Variants in UTP6 observed in about 807,000 individuals in gnomAD.
The protein encoded by UTP6 is UTP6 small subunit processome component.
UTP6 carries 60 observed loss-of-function variants against 96.5 expected under a neutral mutation model. That is an observed-to-expected ratio of 0.62 (90% confidence interval 0.51 to 0.77). The LOEUF is 0.77. Among genes scored for constraint, UTP6 ranks in the 30% least tolerant of loss-of-function variants. The pLI is 0.00. For synonymous variants in UTP6, 215 were observed against 240.1 expected, an observed-to-expected ratio of 0.90 and a Z score of 0.96; for missense variants, 637 against 706.5, an observed-to-expected ratio of 0.90 and a Z score of 1.12.
intron 7 of UTP6, 29 bp downstream of exon 7, chr17:31,889,256 T>C (rs759778206): frequency 6.2e-5 from 94 of 1,524,828 alleles, no homozygotes; most frequent in Non-Finnish European, 8.1e-5. Context: ...GAAACATCAC[T>C]GTCTCATCCT....
chr17:31,881,690 G>A (rs1266733106), intron 10 of UTP6, among the ~76,000 whole-genome samples: 1 of 152,060 alleles, frequency 6.6e-6, no homozygotes, highest in South Asian at 2.1e-4. Flanking sequence ...AAGACTCCAA[G>A]AGACCTGAAG....
At chr17:31,865,999 C>T (rs1049764366) in intron 17 of UTP6, among the ~76,000 whole-genome samples, 1 of 152,238 alleles carries the variant, frequency 6.6e-6, no homozygotes, top group Non-Finnish European at 1.5e-5. Context: ...CTGTAACTAA[C>T]TTTACAACCA....
Position 31,863,424 on chromosome 17 carries a change from A to G in UTP6, c.1729T>C (p.Leu577=), listed in dbSNP as rs371925526. 6.2e-6 allele frequency: 10 copies of G among 1,614,120 alleles called. No homozygotes were observed. Among genetic ancestry groups the G allele is most frequent in the East Asian group, 2.2e-5 (1 of 44,874 alleles). The change falls in exon 19 of 19, where the codon TTG becomes CTG. Residue 577 remains leucine, a synonymous_variant. Transcript: ENST00000261708. ...GQIYWRAMKM[L]QGESAEAFVA... ...AATGCCTCTGCTGACTCTCCCTGCAACATTTTCATCGCTCGCCAGTAGATC... is the reference window on the plus strand; with the variant it reads ...AATGCCTCTGCTGACTCTCCCTGCAGCATTTTCATCGCTCGCCAGTAGATC...
chr17:31,892,030 A>G (rs1904350075), intron 6 of UTP6: 1 of 517,106 alleles, frequency 1.9e-6, no homozygotes. Context: ...CTCAAAAAAA[A>G]AAGAAATACA....
At chr17:31,870,650 T>C (rs1464761502) in intron 16 of UTP6, among the ~76,000 whole-genome samples, 1 of 151,470 alleles carries the variant, frequency 6.6e-6, no homozygotes, top group Non-Finnish European at 1.5e-5. Flanking sequence ...GCCTCCCAGG[T>C]AGCTGGGACT....
At position 31,889,308 on chromosome 17, in the gene UTP6, C is replaced by A. The variant is rs754607083; in HGVS notation, c.520G>T (p.Glu174Ter). The change falls in exon 7 of 19, where the codon GAG becomes TAG. Residue 174 changes from glutamate to a stop codon, truncating the protein, a stop_gained. Coordinates refer to ENST00000261708, the MANE Select transcript of UTP6 (RefSeq NM_018428.3). LOFTEE classifies it high-confidence loss of function. ...LFLRALRFHP[E>*]CPKLYKEYFR... ...ACTTCTTTATAAAGTTTTGGGCACT[C>A]TGGATGAAAGCGCAGTGCGCGAAGA... 1 of 1,613,358 alleles carries A rather than the reference C, an allele frequency of 6.2e-7. No individual in the cohort carries two copies. The highest frequency in any genetic ancestry group is 1.7e-5 in the Admixed American group (1 of 59,904).
rs1218599217 is a variant in UTP6, at chr17:31,894,746, G to A, written c.220-9C>T. Reference sequence around the variant, plus strand: ...AATGAATATCCAATGCGCTAAAGGGGGACATAAAAAAACAGAGCCTCAACT... The same window carrying A: ...AATGAATATCCAATGCGCTAAAGGGAGACATAAAAAAACAGAGCCTCAACT... On this transcript the variant is annotated splice_polypyrimidine_tract_variant and intron_variant, in intron 3 of 18. Transcript: ENST00000261708. 3.1e-6 allele frequency: 5 copies of A among 1,599,972 alleles called. No homozygotes were observed. Among genetic ancestry groups the A allele is most frequent in the African/African-American group, 2.7e-5 (2 of 74,530 alleles).
intron 2 of UTP6, among the ~76,000 whole-genome samples, chr17:31,896,250 G>C (rs966812832): frequency 6.6e-6 from 1 of 151,604 alleles, no homozygotes; most frequent in Non-Finnish European, 1.5e-5. Flanking sequence ...GCTAATTTTT[G>C]TATTTTTAGT....
At position 31,865,436 on chromosome 17, in the gene UTP6, T is replaced by C. The variant is rs765042098; in HGVS notation, c.1566A>G (p.Glu522=). 25 of 1,613,874 alleles carry C rather than the reference T, an allele frequency of 1.5e-5. No individual in the cohort carries two copies. The Admixed American group carries it at 4.2e-4, about 27-fold the overall frequency. The change falls in exon 18 of 19, where the codon GAA becomes GAG. Residue 522 remains glutamate, a splice_region_variant and synonymous_variant. Coordinates refer to ENST00000261708, the MANE Select transcript of UTP6 (RefSeq NM_018428.3). ...CTCTTATGTTCGCCATATTGCAGGA[T>C]TCCTGACAAAGATAGACAATCTTGT... The part of the protein sequence containing the change: ...RKMIQFEKEQ[E]SCNMANIREY...
At chr17:31,868,325 G>GGT (rs1555572807) in intron 16 of UTP6, among the ~76,000 whole-genome samples, 49 of 90,512 alleles carry the variant, frequency 5.4e-4, no homozygotes, top group Non-Finnish European at 7.1e-4. Context: ...TAGTTTTTTG[G>GGT]TTTTTTTTTT....
intron 6 of UTP6, among the ~76,000 whole-genome samples, chr17:31,890,922 G>A (rs1911456398): frequency 5.9e-5 from 9 of 151,946 alleles, no homozygotes; most frequent in Admixed American, 5.9e-4. Context: ...AGGAGACAGA[G>A]GTTGCAGTGA....
chr17:31,892,928 T>C (rs1401287710), intron 4 of UTP6, 134 bp from the exon 5 acceptor site: 2 of 1,011,072 alleles, frequency 2.0e-6, no homozygotes, highest in Admixed American at 4.5e-5. Flanking sequence ...ATCCCACCAC[T>C]TTGTGAAGCC....
Position 31,880,591 on chromosome 17 carries a change from C to G in UTP6, c.949G>C (p.Val317Leu). The change falls in exon 11 of 19, where the codon GTG (valine) becomes CTG (leucine). Residue 317 changes from valine to leucine, a missense_variant. Transcript: ENST00000261708. The stretch of plus-strand genomic sequence containing the variant: ...AGTTCACCTGTTGGCAGAGTCTTCA[C>G]TGCCTCTTCATACACAGCACAGCAC... ...ERCCAVYEEA[V>L]KTLPTEAMWK... 6.2e-7 allele frequency: 1 copy of G among 1,614,174 alleles called. No homozygotes were observed.
intron 6 of UTP6, among the ~76,000 whole-genome samples, chr17:31,891,470 T>C (rs776179189): frequency 1.2e-4 from 19 of 152,214 alleles, no homozygotes; most frequent in East Asian, 1.9e-4. Flanking sequence ...TTGAGTCTTG[T>C]GTGGTATAAG....
chr17:31,891,571 T>C (rs377343693), intron 6 of UTP6, among the ~76,000 whole-genome samples: 2 of 152,172 alleles, frequency 1.3e-5, no homozygotes, highest in East Asian at 3.9e-4. Flanking sequence ...AAGAGAAATA[T>C]TTCTCTTACA....
In UTP6 at chr17:31,863,438, C is replaced by G. The variant is rs909046283; in HGVS notation, c.1715G>C (p.Arg572Pro). The stretch of plus-strand genomic sequence containing the variant: ...CTCTCCCTGCAACATTTTCATCGCT[C>G]GCCAGTAGATCTGTCCACAGTTCTC... ...RPENCGQIYW[R>P]AMKMLQGESA... The change falls in exon 19 of 19, where the codon CGA becomes CCA. Residue 572 changes from arginine (R) to proline (P), a missense_variant. Transcript: ENST00000261708. 1.2e-6 allele frequency: 2 copies of G among 1,613,918 alleles called. No individual in the cohort carries two copies. Among genetic ancestry groups the G allele is most frequent in the African/African-American group, 2.7e-5 (2 of 74,876 alleles).
chr17:31,899,514 G>C, intron 2 of UTP6, 132 bp downstream of exon 2: 1 of 523,752 alleles, frequency 1.9e-6, no homozygotes. Context: ...TGAGCCTGGA[G>C]GGCAGAGGTT....
chr17:31,866,887 CAAAAA>C lies in UTP6; in HGVS notation c.1563+1154_1563+1158del, dbSNP rs56235737. The stretch of plus-strand genomic sequence containing the variant: ...GCAACAGACAGCAAGACTCTTGTCT[CAAAAA>C]AAAAAAAAAAAAAAAAAAAAAGTCA... On this transcript the variant is annotated intron_variant, in intron 17 of 18. Transcript: ENST00000261708. 2.7e-3 allele frequency among the ~76,000 whole-genome samples: 118 copies of C among 43,562 alleles called. 1 individual carries two copies. The highest frequency in any genetic ancestry group is 0.011 in the African/African-American group (98 of 8,616). The allele number at this position is 43,562 out of a possible 152,430, so 28.6% of individuals were successfully genotyped here. A position where few individuals can be genotyped will look rare whatever the true frequency, so the allele number is the denominator to read the frequency against.
At chr17:31,898,734 G>A (rs974863641) in intron 2 of UTP6, among the ~76,000 whole-genome samples, 1 of 151,466 alleles carries the variant, frequency 6.6e-6, no homozygotes, top group Non-Finnish European at 1.5e-5. Context: ...AATTTGTGAA[G>A]GGATTAAAAA....
Sources: allele counts gnomAD v4.1 joint callset (sites outside exome capture counted in the v4.1 genomes callset), GRCh38; gene constraint gnomAD v4.1.1; transcripts MANE v1.5; gene names NCBI Gene and HGNC (gene_info 2026-07-23, HGNC 2026-07-21).